PLGRKT: variants seen among roughly 807,000 people sequenced by gnomAD.
PLGRKT encodes the protein plasminogen receptor (KT).
PLGRKT carries 22 observed loss-of-function variants against 18.5 expected under a neutral mutation model. That is an observed-to-expected ratio of 1.19 (90% CI 0.85 to 1.70). The LOEUF is 1.70. PLGRKT is among the 40% of genes most tolerant of loss of function. The pLI is 0.00. For synonymous variants in PLGRKT, 72 were observed against 52.8 expected (o/e 1.36, Z -1.58); for missense variants, 235 against 174.4 (o/e 1.35, Z -1.96).
intron 3 of PLGRKT, among the ~76,000 whole-genome samples, chr9:5,423,869 A>ATATGTATGTATAATATATAT (rs1554633985): frequency 1.4e-5 from 2 of 144,124 alleles, no homozygotes; most frequent in African/African-American, 5.2e-5. Context: ...TGCCCAGCTA[A>ATATGTATGTATAATATATAT]TATATATGTA....
chr9:5,377,408 G>GA (rs1232640799), intron 3 of PLGRKT, among the ~76,000 whole-genome samples: 1 of 151,936 alleles, frequency 6.6e-6, no homozygotes, highest in Non-Finnish European at 1.5e-5. Context: ...CATTAAAAAG[G>GA]AAAAATGTAA....
chr9:5,358,608 C>G (rs1817191043), intron 5 of PLGRKT, among the ~76,000 whole-genome samples: 1 of 152,118 alleles, frequency 6.6e-6, no homozygotes, highest in Admixed American at 6.5e-5. Context: ...GAAAGAACAT[C>G]AAGATAAGTA....
intron 3 of PLGRKT, among the ~76,000 whole-genome samples, chr9:5,368,345 T>C (rs1315039767): frequency 6.6e-6 from 1 of 152,188 alleles, no homozygotes; most frequent in Admixed American, 6.5e-5. Flanking sequence ...TGCCCATCAA[T>C]GGTGGATTGG....
intron 3 of PLGRKT, chr9:5,419,010 G>C: frequency 1.9e-6 from 1 of 537,944 alleles, no homozygotes; most frequent in Non-Finnish European, 3.3e-6. Context: ...AAGGCCAAGG[G>C]GAAGGGGAGG....
At chr9:5,361,664 C>G in intron 4 of PLGRKT, 94 bp downstream of exon 4, 3 of 1,252,752 alleles carry the variant, frequency 2.4e-6, no homozygotes, top group South Asian at 2.9e-5. Flanking sequence ...CTATTTGGAC[C>G]AAAGTCTTAT....
At chr9:5,383,455 G>A (rs1563773572) in intron 3 of PLGRKT, among the ~76,000 whole-genome samples, 1 of 152,162 alleles carries the variant, frequency 6.6e-6, no homozygotes, top group Non-Finnish European at 1.5e-5. Context: ...CATGGACCAG[G>A]TTGACGGATG....
intron 3 of PLGRKT, among the ~76,000 whole-genome samples, chr9:5,394,828 G>A (rs1290658623): frequency 1.3e-5 from 2 of 151,668 alleles, no homozygotes; most frequent in East Asian, 1.9e-4. Context: ...GTTTTTTAAT[G>A]AACTCTCTTC....
At chr9:5,412,951 AC>A (rs1361840717) in intron 3 of PLGRKT, among the ~76,000 whole-genome samples, 1 of 152,184 alleles carries the variant, frequency 6.6e-6, no homozygotes, top group African/African-American at 2.4e-5. Context: ...CACAAAAAAA[AC>A]AAGATATATA....
chr9:5,377,523 T>C (rs1817653148), intron 3 of PLGRKT, among the ~76,000 whole-genome samples: 1 of 152,184 alleles, frequency 6.6e-6, no homozygotes, highest in Non-Finnish European at 1.5e-5. Flanking sequence ...AATATCTCCA[T>C]AATGGTGCTG....
At chr9:5,436,279 C>T (rs924744973) in intron 2 of PLGRKT, among the ~76,000 whole-genome samples, 11 of 152,240 alleles carry the variant, frequency 7.2e-5, no homozygotes, top group Non-Finnish European at 1.5e-4. Context: ...TAAATATTTG[C>T]ACAAAGCATG....
At chr9:5,434,423 G>A (rs1315405288) in intron 2 of PLGRKT, among the ~76,000 whole-genome samples, 2 of 146,026 alleles carry the variant, frequency 1.4e-5, no homozygotes, top group African/African-American at 2.6e-5. Flanking sequence ...CGTCTGGGAA[G>A]TGAGGAGCAC....
At chr9:5,422,145 C>G (rs915228598) in intron 3 of PLGRKT, among the ~76,000 whole-genome samples, 7 of 152,156 alleles carry the variant, frequency 4.6e-5, no homozygotes, top group African/African-American at 1.7e-4. Context: ...CCATTTTATT[C>G]AAGCCCTAAT....
chr9:5,362,283 C>A (rs1817284329), intron 3 of PLGRKT, among the ~76,000 whole-genome samples: 2 of 152,186 alleles, frequency 1.3e-5, no homozygotes, highest in Admixed American at 6.5e-5. Context: ...CCTTCCAAAT[C>A]CATTCCAAAT....
chr9:5,411,450 G>A (rs549648359), intron 3 of PLGRKT, among the ~76,000 whole-genome samples: 109 of 151,464 alleles, frequency 7.2e-4, no homozygotes, highest in Non-Finnish European at 1.0e-3. Flanking sequence ...TCTGCTACAT[G>A]AACCAATTCT....
rs1199310726 is a variant in PLGRKT, at chr9:5,361,868, C to G, written c.102G>C (p.Met34Ile). Residue 34 changes from methionine to isoleucine, a missense_variant, in exon 4 of 6, where the codon ATG becomes ATC. By Grantham distance (10) the Met-to-Ile change is conservative (BLOSUM62 1). Transcript: ENST00000223864. ...ARLQLERQLIMQSEMRERQMA... is the reference protein window; with the variant it reads ...ARLQLERQLIIQSEMRERQMA... Reference sequence around the variant, plus strand: ...TTTGTCTTTCCCTCATTTCACTCTGCATGATGAGCTGCCTTTCCAGCTAAG... The same window carrying G: ...TTTGTCTTTCCCTCATTTCACTCTGGATGATGAGCTGCCTTTCCAGCTAAG... The G allele has an allele frequency of 6.2e-7, 1 of 1,612,760 alleles. No individual in the cohort carries two copies. The highest frequency in any genetic ancestry group is 1.1e-5 in the South Asian group (1 of 90,766).
chr9:5,389,405 T>C (rs1817904783), intron 3 of PLGRKT, among the ~76,000 whole-genome samples: 1 of 151,916 alleles, frequency 6.6e-6, no homozygotes, highest in Non-Finnish European at 1.5e-5. Context: ...TGAAATTGTT[T>C]ATGTTCTGCA....
chr9:5,411,424 A>G (rs1241089200), intron 3 of PLGRKT, among the ~76,000 whole-genome samples: 4 of 151,706 alleles, frequency 2.6e-5, no homozygotes, highest in Non-Finnish European at 5.9e-5. Flanking sequence ...AGAGGGAAAC[A>G]CTATTGAGCA....
chr9:5,423,526 T>G (rs1293602799), intron 3 of PLGRKT, among the ~76,000 whole-genome samples: 1 of 152,150 alleles, frequency 6.6e-6, no homozygotes, highest in Non-Finnish European at 1.5e-5. Context: ...CATATTCTAC[T>G]GACATGGTTC....
chr9:5,368,541 T>G (rs1039175275), intron 3 of PLGRKT, among the ~76,000 whole-genome samples: 5 of 152,024 alleles, frequency 3.3e-5, no homozygotes, highest in Non-Finnish European at 5.9e-5. Flanking sequence ...TGGGTAACTA[T>G]AGACATAAAG....
Sources: allele counts gnomAD v4.1 joint callset (sites outside exome capture counted in the v4.1 genomes callset), GRCh38; gene constraint gnomAD v4.1.1; transcripts MANE v1.5; gene names NCBI Gene and HGNC (gene_info 2026-07-23, HGNC 2026-07-21).